Variants in PIGN observed in about 807,000 individuals in gnomAD.
PIGN encodes phosphatidylinositol glycan anchor biosynthesis class N.
PIGN carries 117 observed loss-of-function variants against 125.4 expected under a neutral mutation model. That is an observed-to-expected ratio of 0.93 (90% CI 0.80 to 1.09). The LOEUF (loss-of-function observed/expected upper bound fraction) is 1.09, where lower values mean the gene tolerates loss of function less well. PIGN is among the 50% of genes least tolerant of loss of function. PIGN has a pLI of 0.00. For synonymous variants in PIGN, 392 were observed against 377.8 expected (o/e 1.04, Z -0.44); for missense variants, 1,075 against 1,094.9 (o/e 0.98, Z 0.26).
intron 11 of PIGN, 133 bp from the exon 12 acceptor site, chr18:62,140,612 TA>T (rs2036099368): frequency 2.1e-6 from 1 of 472,528 alleles, no homozygotes; most frequent in Non-Finnish European, 3.8e-6. Flanking sequence ...ATGTATTTAA[TA>T]AAAAAGATAT....
intron 28 of PIGN, among the ~76,000 whole-genome samples, chr18:62,076,995 GA>G (rs1367563350): frequency 6.6e-6 from 1 of 152,168 alleles, no homozygotes; most frequent in East Asian, 1.9e-4. Context: ...AATTACTGCA[GA>G]GTTCTTTCTT....
chr18:62,116,460 C>T (rs748259748), intron 14 of PIGN, among the ~76,000 whole-genome samples: 1 of 152,146 alleles, frequency 6.6e-6, no homozygotes. Context: ...TTCCCATTAT[C>T]GCAAATGTGT....
rs1273078172 is a variant in PIGN, at chr18:62,105,555, T to C, written c.1847A>G (p.Asp616Gly). Reference protein sequence around the residue: ...PLMPVVGRKPDISLVMGAGLL... With the variant: ...PLMPVVGRKPGISLVMGAGLL... ...ATATTATTCATACACTAGAGAGATGTCTGGCTTTCGACCTACAACCGGCAT... is the reference window on the plus strand; with the variant it reads ...ATATTATTCATACACTAGAGAGATGCCTGGCTTTCGACCTACAACCGGCAT... The change falls in exon 20 of 31, where the codon GAC (aspartate) becomes GGC (glycine). Residue 616 changes from aspartate to glycine, a missense_variant. Asp to Gly is a moderately conservative substitution (Grantham distance 94, BLOSUM62 -1). This residue lies in a region of PIGN where 915 missense variants were observed against 908.7 expected (regional missense o/e 1.01). Transcript: ENST00000640252. The C allele has an allele frequency of 3.2e-6, 5 of 1,540,096 alleles. No homozygotes were observed. The East Asian group carries it at 1.2e-4, about 38-fold the overall frequency.
At chr18:62,027,171 C>T (rs1034199163) in intron 23 of PIGN, among the ~76,000 whole-genome samples, 6 of 152,066 alleles carry the variant, frequency 3.9e-5, no homozygotes, top group Admixed American at 1.3e-4. Flanking sequence ...CCACTGCACT[C>T]CAGCCTGGTG....
At chr18:62,017,991 C>T (rs2030002589) in intron 23 of PIGN, among the ~76,000 whole-genome samples, 1 of 152,186 alleles carries the variant, frequency 6.6e-6, no homozygotes, top group South Asian at 2.1e-4. Context: ...ACAGTGTGCA[C>T]CACAAAAGCT....
chr18:62,067,881 TA>T lies in PIGN; in HGVS notation c.2672+4791del, dbSNP rs1248975059. Among the ~76,000 whole-genome samples, 4 of 152,228 alleles carry T rather than the reference TA, an allele frequency of 2.6e-5. No homozygotes were observed. The East Asian group carries it at 7.7e-4, about 29-fold the overall frequency. On this transcript the variant is annotated intron_variant, in intron 30 of 30. Coordinates refer to ENST00000640252, the MANE Select transcript of PIGN (RefSeq NM_176787.5). ...CAGAGGTAGTGTGTATTTCACTTTT[TA>T]AGAAAGTTTCTTTTCCCTCTAGGTC...
chr18:62,074,123 G>A (rs2033042437), intron 29 of PIGN, among the ~76,000 whole-genome samples: 1 of 152,188 alleles, frequency 6.6e-6, no homozygotes, highest in Non-Finnish European at 1.5e-5. Flanking sequence ...GATTCCACAG[G>A]GAGAAACAGA....
chr18:62,176,218 A>T (rs949940129), intron 1 of PIGN, among the ~76,000 whole-genome samples: 1 of 152,160 alleles, frequency 6.6e-6, no homozygotes, highest in Non-Finnish European at 1.5e-5. Context: ...TATCTCTACC[A>T]GAATACAATG....
chr18:62,111,676 T>C (rs1221170320), intron 16 of PIGN, among the ~76,000 whole-genome samples: 1 of 152,158 alleles, frequency 6.6e-6, no homozygotes, highest in African/African-American at 2.4e-5. Context: ...AGCAAGCTTG[T>C]CCAGTCTGCA....
chr18:62,161,764 T>C (rs1029477569), intron 3 of PIGN, among the ~76,000 whole-genome samples: 45 of 152,096 alleles, frequency 3.0e-4, no homozygotes, highest in African/African-American at 1.1e-3. Flanking sequence ...AAAAAGAAAA[T>C]ATAAGTCGTG....
At chr18:62,167,308 G>A (rs1159651689) in intron 1 of PIGN, among the ~76,000 whole-genome samples, 9 of 42,510 alleles carry the variant, frequency 2.1e-4, no homozygotes, top group African/African-American at 3.8e-4. Context: ...GTGTGTGTGT[G>A]TGTGTGTGTG....
At chr18:62,119,316 C>A (rs919360227) in intron 14 of PIGN, among the ~76,000 whole-genome samples, 19 of 151,738 alleles carry the variant, frequency 1.3e-4, no homozygotes, top group Non-Finnish European at 1.2e-4. Flanking sequence ...AACAAACTCA[C>A]AAATGGTTTG....
chr18:62,042,499 G>A lies in PIGN; in HGVS notation c.*3357C>T, dbSNP rs1413610464. On this transcript the variant is annotated 3_prime_UTR_variant, in exon 31 of 31. Coordinates refer to ENST00000640252, the MANE Select transcript of PIGN (RefSeq NM_176787.5). Reference sequence around the variant, plus strand: ...TGTAACCCGTTTTAAGTGTACCCAAGGAAATGAATAAGAGACACATCTCAA... The same window carrying A: ...TGTAACCCGTTTTAAGTGTACCCAAAGAAATGAATAAGAGACACATCTCAA... 4 of 152,066 alleles carry A rather than the reference G, an allele frequency of 2.6e-5. No individual in the cohort carries two copies. In the East Asian group the frequency reaches 7.7e-4, roughly 29 times the overall value. 9.4% of individuals were successfully genotyped at this position (152,066 alleles called of 1,614,324 possible).
At position 62,045,949 on chromosome 18, in the gene PIGN, C is replaced by A; in HGVS notation, c.2703G>T (p.Met901Ile). The A allele has an allele frequency of 1.2e-6, 2 of 1,613,210 alleles. No individual in the cohort carries two copies. The highest frequency in any genetic ancestry group is 2.2e-5 in the South Asian group (2 of 90,820). ...CATTGAGGAACACCAAAAAGATGGT[C>A]ATGGACATGACAATCACATAGTGGC... ...SISHYVIVMSMTIFLVFLNGL... is the reference protein window; with the variant it reads ...SISHYVIVMSITIFLVFLNGL... Residue 901 changes from methionine (M) to isoleucine (I), a missense_variant, in exon 31 of 31, where the codon ATG becomes ATT. By Grantham distance (10) the Met-to-Ile change is conservative. This residue lies in a region of PIGN where 915 missense variants were observed against 908.7 expected (regional missense o/e 1.01). Transcript: ENST00000640252.
intron 1 of PIGN, among the ~76,000 whole-genome samples, chr18:62,182,542 C>CTTAAT (rs1599708740): frequency 6.6e-6 from 1 of 152,186 alleles, no homozygotes; most frequent in East Asian, 1.9e-4. Flanking sequence ...GTTCATTTGT[C>CTTAAT]TTAATCTCCA....
chr18:62,021,829 G>T (rs145708373), intron 23 of PIGN, among the ~76,000 whole-genome samples: 10 of 152,296 alleles, frequency 6.6e-5, no homozygotes, highest in Non-Finnish European at 1.3e-4. Flanking sequence ...GTCTCACAAA[G>T]CTGAAATCAG....
intron 14 of PIGN, among the ~76,000 whole-genome samples, chr18:62,123,109 G>T (rs1432706850): frequency 1.3e-5 from 2 of 151,998 alleles, no homozygotes; most frequent in African/African-American, 4.8e-5. Flanking sequence ...GCATGGTGTT[G>T]CTCACCTGTT....
intron 30 of PIGN, among the ~76,000 whole-genome samples, chr18:62,046,676 C>A (rs1176018981): frequency 6.6e-6 from 1 of 151,726 alleles, no homozygotes; most frequent in Non-Finnish European, 1.5e-5. Context: ...ATTTACAATA[C>A]CTAATAAAAT....
intron 28 of PIGN, among the ~76,000 whole-genome samples, chr18:62,082,102 T>C (rs1034673217): frequency 3.9e-5 from 6 of 152,166 alleles, no homozygotes; most frequent in Admixed American, 6.5e-5. Context: ...ATAGTTGAGT[T>C]GACAGCTTTT....
Sources: gnomAD v4.1 joint callset for allele counts (sites outside exome capture counted in the v4.1 genomes callset) on GRCh38, gnomAD v4.1.1 for gene constraint, gnomAD v4.1.1 regional missense constraint, MANE v1.5 for transcripts, NCBI Gene and HGNC (gene_info 2026-07-23, HGNC 2026-07-21) for gene names.